PEMT: variants seen among roughly 807,000 people sequenced by gnomAD.
PEMT encodes the protein phosphatidylethanolamine N-methyltransferase.
In PEMT, 23 loss-of-function variants were observed where a neutral mutation model predicts 27.4. The ratio of observed to expected loss-of-function variants is 0.84; its 90% CI spans 0.60 to 1.19. PEMT has a LOEUF of 1.19. Among genes scored for constraint, PEMT ranks in the 50% most tolerant of loss-of-function variants. The pLI is 0.00. For missense variants in PEMT, 307 were observed against 310.1 expected, an observed-to-expected ratio of 0.99 and a Z score of 0.07; for synonymous variants, 137 against 139.1, an observed-to-expected ratio of 0.98 and a Z score of 0.11.
intron 2 of PEMT, among the ~76,000 whole-genome samples, chr17:17,543,439 C>T (rs1909030836): frequency 6.6e-6 from 1 of 152,242 alleles, no homozygotes; most frequent in Non-Finnish European, 1.5e-5. Flanking sequence ...AAGGTGGCTG[C>T]CCTTTGAAGG....
intron 3 of PEMT, among the ~76,000 whole-genome samples, chr17:17,517,172 G>A (rs1567671711): frequency 6.6e-6 from 1 of 152,162 alleles, no homozygotes. Context: ...CAGGCACCTT[G>A]ATTCCAGCCT....
At chr17:17,576,443 G>A (rs571847938) in intron 2 of PEMT, among the ~76,000 whole-genome samples, 2 of 152,336 alleles carry the variant, frequency 1.3e-5, no homozygotes, top group South Asian at 2.1e-4. Context: ...TGCGCAGGCC[G>A]TTTTGCAGGA....
chr17:17,509,528 G>A lies in PEMT; in HGVS notation c.484C>T (p.Leu162Phe). ...GTFLGDYFGI[L>F]KEARVTVFPF... Reference sequence around the variant, plus strand: ...AACACGGTCACTCTCGCCTCCTTGAGGATCCCGAAGTAATCACCTGTGGAT... The same window carrying A: ...AACACGGTCACTCTCGCCTCCTTGAAGATCCCGAAGTAATCACCTGTGGAT... The change falls in exon 5 of 7, where the codon CTC becomes TTC. Residue 162 changes from leucine to phenylalanine, a missense_variant. Transcript: ENST00000255389. 6.2e-7 allele frequency: 1 copy of A among 1,613,138 alleles called. No individual in the cohort carries two copies. The highest frequency in any genetic ancestry group is 8.5e-7 in the Non-Finnish European group (1 of 1,179,120).
intron 5 of PEMT, chr17:17,507,592 C>G (rs1905979976): frequency 4.6e-6 from 1 of 217,294 alleles, no homozygotes; most frequent in African/African-American, 2.3e-5. Flanking sequence ...GACAGGAGTC[C>G]CTGATTGCAC....
chr17:17,550,927 C>T (rs1013046787), intron 2 of PEMT, among the ~76,000 whole-genome samples: 11 of 152,386 alleles, frequency 7.2e-5, no homozygotes, highest in African/African-American at 2.6e-4. Flanking sequence ...AACTTTTTAT[C>T]ATCAACGTTG....
Position 17,512,263 on chromosome 17 carries a change from C to A in PEMT, c.466+246G>T, listed in dbSNP as rs1906463188. ...ATCTTCATTAGCTGGAGAGAAGCAG[C>A]AGGAGCTGCCTTCACTCCCCAGGAG... On this transcript the variant is annotated intron_variant, in intron 4 of 6. Transcript: ENST00000255389. The surrounding 1 kb of genome is among the most constrained non-coding windows in gnomAD (Gnocchi z 6.3). Among the ~76,000 whole-genome samples the A allele has an allele frequency of 6.6e-6, 1 of 152,222 alleles. No homozygotes were observed. Among genetic ancestry groups the A allele is most frequent in the South Asian group, 2.1e-4 (1 of 4,836 alleles).
upstream of PEMT, chr17:17,591,770 G>C (rs1223358356): frequency 7.0e-7 from 1 of 1,435,388 alleles, no homozygotes; most frequent in Non-Finnish European, 9.1e-7. Context: ...GGGAAATGTA[G>C]TTCCCCGTCA....
chr17:17,559,849 T>C (rs543053391), intron 2 of PEMT, among the ~76,000 whole-genome samples: 67 of 152,296 alleles, frequency 4.4e-4, no homozygotes, highest in Non-Finnish European at 7.9e-4. Flanking sequence ...CCCAGGCCAA[T>C]CAGTGGTGTG....
At chr17:17,551,290 T>C (rs1436888357) in intron 2 of PEMT, among the ~76,000 whole-genome samples, 1 of 152,230 alleles carries the variant, frequency 6.6e-6, no homozygotes, top group Non-Finnish European at 1.5e-5. Context: ...TATCTGCCTT[T>C]TTGTGCTGTT....
At chr17:17,570,765 A>C (rs957394576) in intron 2 of PEMT, 1 of 985,328 alleles carries the variant, frequency 1.0e-6, no homozygotes, top group African/African-American at 1.7e-5. Context: ...GGGTGGCTAG[A>C]GAGGAGCAGT....
At chr17:17,549,424 G>A (rs1909493093) in intron 2 of PEMT, among the ~76,000 whole-genome samples, 2 of 152,054 alleles carry the variant, frequency 1.3e-5, no homozygotes, top group South Asian at 2.1e-4. Flanking sequence ...TCCTGACCTC[G>A]TGATCCACCC....
At chr17:17,545,145 C>T (rs1909164403) in intron 2 of PEMT, among the ~76,000 whole-genome samples, 1 of 152,358 alleles carries the variant, frequency 6.6e-6, no homozygotes, top group Non-Finnish European at 1.5e-5. Flanking sequence ...TCAGGGCAGT[C>T]TAGGAATCAT....
rs553455246 is a variant in PEMT, at chr17:17,532,849, G to A, written c.205-10454C>T. ...TCAAGACCAGCCTGGCCAACATGGCGAAACCTGTCTCTACTGAAAATACAA... is the reference window on the plus strand; with the variant it reads ...TCAAGACCAGCCTGGCCAACATGGCAAAACCTGTCTCTACTGAAAATACAA... On this transcript the variant is annotated intron_variant, in intron 2 of 6. Coordinates refer to ENST00000255389, the MANE Select transcript of PEMT (RefSeq NM_148172.3). Among the ~76,000 whole-genome samples, 573 of 152,320 alleles carry A rather than the reference G, an allele frequency of 3.8e-3. 6 individuals carry two copies. Among genetic ancestry groups the A allele is most frequent in the African/African-American group, 0.013 (534 of 41,572 alleles).
intron 2 of PEMT, among the ~76,000 whole-genome samples, chr17:17,536,607 G>A (rs1430856741): frequency 6.6e-6 from 1 of 152,234 alleles, no homozygotes; most frequent in East Asian, 1.9e-4. Flanking sequence ...GACCTCATGG[G>A]AGTGTCCATG....
intron 2 of PEMT, among the ~76,000 whole-genome samples, chr17:17,537,577 C>G (rs1319164816): frequency 6.6e-6 from 1 of 152,214 alleles, no homozygotes; most frequent in Admixed American, 6.5e-5. Flanking sequence ...CACTCAGCTG[C>G]TGATTAGTCA....
chr17:17,518,100 C>A (rs1906977431), intron 3 of PEMT: 1 of 985,342 alleles, frequency 1.0e-6, no homozygotes, highest in African/African-American at 1.7e-5. Context: ...CCAGAGGGAG[C>A]CCTGGGAGAC....
Position 17,570,581 on chromosome 17 carries a change from G to T in PEMT, c.204+6339C>A, listed in dbSNP as rs1911124094. 12 of 985,332 alleles carry T rather than the reference G, an allele frequency of 1.2e-5. No individual in the cohort carries two copies. The South Asian group carries it at 5.2e-4, about 42-fold the overall frequency. 61.0% of individuals were successfully genotyped at this position (985,332 alleles called of 1,614,324 possible). A position where few individuals can be genotyped will look rare whatever the true frequency, so the allele number is the denominator to read the frequency against. The stretch of plus-strand genomic sequence containing the variant: ...CTGACAAGGACCACTCCAAGCTGCG[G>T]TAACAAAGGTCTGTGGGCAGCCTTG... On this transcript the variant is annotated intron_variant, in intron 2 of 6. Coordinates refer to ENST00000255389, the MANE Select transcript of PEMT (RefSeq NM_148172.3).
intron 2 of PEMT, among the ~76,000 whole-genome samples, chr17:17,529,379 G>A (rs1907930467): frequency 6.6e-6 from 1 of 152,212 alleles, no homozygotes; most frequent in African/African-American, 2.4e-5. Flanking sequence ...AGCATCCAAA[G>A]CGTCCCACAG....
At position 17,522,411 on chromosome 17, in the gene PEMT, A is replaced by G. The variant is rs761259275; in HGVS notation, c.205-16T>C. Reference sequence around the variant, plus strand: ...ATCGTGCAACCTAAACCGTGAGCAGAGAACAAGAACGAGATATTTCCTGGG... The same window carrying G: ...ATCGTGCAACCTAAACCGTGAGCAGGGAACAAGAACGAGATATTTCCTGGG... On this transcript the variant is annotated splice_polypyrimidine_tract_variant and intron_variant, in intron 2 of 6. Coordinates refer to ENST00000255389, the MANE Select transcript of PEMT (RefSeq NM_148172.3). The G allele has an allele frequency of 4.4e-5, 69 of 1,563,246 alleles. No individual in the cohort carries two copies. Among genetic ancestry groups the G allele is most frequent in the Middle Eastern group, 3.4e-4 (2 of 5,958 alleles).
Sources: allele counts gnomAD v4.1 joint callset (sites outside exome capture counted in the v4.1 genomes callset), GRCh38; gene constraint gnomAD v4.1.1; non-coding constraint Gnocchi (gnomAD v3.1); transcripts MANE v1.5; gene names NCBI Gene and HGNC (gene_info 2026-07-23, HGNC 2026-07-21).